Variants in BRD7 observed in about 807,000 individuals in gnomAD.
The protein encoded by BRD7 is bromodomain containing 7.
Under a neutral mutation model 82.1 loss-of-function variants are expected in BRD7, and 15 were observed. That is an observed-to-expected ratio of 0.18 (90% CI 0.12 to 0.28). The LOEUF (loss-of-function observed/expected upper bound fraction) is 0.28. BRD7 is among the 10% of genes least tolerant of loss of function. The pLI, the probability that BRD7 is intolerant of heterozygous loss-of-function variation, is 1.00. For missense variants in BRD7, 638 were observed against 779.9 expected (o/e 0.82, Z 2.17); for synonymous variants, 232 against 266.9 (o/e 0.87, Z 1.27).
intron 2 of BRD7, among the ~76,000 whole-genome samples, chr16:50,365,975 T>C (rs961588991): frequency 1.4e-5 from 2 of 141,946 alleles, no homozygotes; most frequent in Non-Finnish European, 3.0e-5. Context: ...ACACTGAAGA[T>C]AAGGGGGGAA....
intron 9 of BRD7, among the ~76,000 whole-genome samples, chr16:50,327,956 T>C (rs960691389): frequency 6.6e-6 from 1 of 152,218 alleles, no homozygotes; most frequent in Admixed American, 6.5e-5. Context: ...AAAAATTCTG[T>C]CATTATTCAT....
intron 9 of BRD7, among the ~76,000 whole-genome samples, 183 bp from the exon 10 acceptor site, chr16:50,326,574 A>G (rs1177337767): frequency 6.6e-6 from 1 of 152,262 alleles, no homozygotes; most frequent in East Asian, 1.9e-4. Context: ...AACTATAGCC[A>G]GGACCAAAAC....
intron 8 of BRD7, among the ~76,000 whole-genome samples, chr16:50,333,235 A>C (rs573417615): frequency 1.3e-5 from 2 of 152,368 alleles, no homozygotes; most frequent in Admixed American, 1.3e-4. Context: ...CAATTTTAGA[A>C]CATATTATAA....
chr16:50,342,696 C>G (rs1200529942), intron 5 of BRD7, among the ~76,000 whole-genome samples: 1 of 152,028 alleles, frequency 6.6e-6, no homozygotes, highest in African/African-American at 2.4e-5. Context: ...GCTGGGATTA[C>G]AGGTGTAAGC....
chr16:50,321,872 C>T, intron 13 of BRD7, 110 bp downstream of exon 13: 1 of 964,904 alleles, frequency 1.0e-6, no homozygotes, highest in South Asian at 1.4e-5. Flanking sequence ...CACAACTCTA[C>T]TCACTAACCT....
In BRD7 at chr16:50,317,124, G is replaced by T. The variant is rs781324678; in HGVS notation, c.*2087C>A. ...CTGTGTCGTGTGGCTTTATCAGCCC[G>T]AGGAAGGGCAGGTGTATTCTAATTT... On this transcript the variant is annotated 3_prime_UTR_variant, in exon 17 of 17. Coordinates refer to ENST00000394688, the MANE Select transcript of BRD7 (RefSeq NM_013263.5). 1 of 152,814 alleles carries T rather than the reference G, an allele frequency of 6.5e-6. No individual in the cohort carries two copies. 9.5% of individuals were successfully genotyped at this position (152,814 alleles called of 1,614,324 possible). A position where few individuals can be genotyped will look rare whatever the true frequency, so the allele number is the denominator to read the frequency against.
chr16:50,340,312 T>C (rs1171798861), intron 5 of BRD7, among the ~76,000 whole-genome samples: 1 of 152,210 alleles, frequency 6.6e-6, no homozygotes, highest in Non-Finnish European at 1.5e-5. Flanking sequence ...TTCTTAAATA[T>C]TTTATAGTAC....
At chr16:50,327,877 C>T (rs1597033659) in intron 9 of BRD7, among the ~76,000 whole-genome samples, 1 of 152,346 alleles carries the variant, frequency 6.6e-6, no homozygotes, top group East Asian at 1.9e-4. Flanking sequence ...CTCTACTACA[C>T]AGCTAGCTCC....
chr16:50,364,607 G>C (rs368162770), intron 2 of BRD7, among the ~76,000 whole-genome samples: 5 of 152,242 alleles, frequency 3.3e-5, no homozygotes, highest in South Asian at 4.2e-4. Context: ...AAATACAATG[G>C]GACTAATGAT....
In BRD7 at chr16:50,350,015, A is replaced by G; in HGVS notation, c.591+8T>C. On this transcript the variant is annotated splice_region_variant and intron_variant, in intron 5 of 16. Transcript: ENST00000394688. ...CAAGATTTTGTGTATATAGGATTGAAGAGTTACCTTTAGTTCTTCTATGGA... is the reference window on the plus strand; with the variant it reads ...CAAGATTTTGTGTATATAGGATTGAGGAGTTACCTTTAGTTCTTCTATGGA... The G allele has an allele frequency of 6.4e-7, 1 of 1,568,662 alleles. No individual in the cohort carries two copies. The highest frequency in any genetic ancestry group is 1.4e-5 in the African/African-American group (1 of 72,548).
rs760768305 is a variant in BRD7 at position 50,350,028 on chromosome 16, G to A, written c.586C>T (p.Leu196=). The A allele has an allele frequency of 3.8e-6, 6 of 1,577,020 alleles. No homozygotes were observed. In the South Asian group the frequency reaches 6.0e-5, roughly 16 times the overall value. Residue 196 remains leucine, a synonymous_variant, in exon 5 of 17, where the codon CTA becomes TTA. Transcript: ENST00000394688. ...ATATAGGATTGAAGAGTTACCTTTA[G>A]TTCTTCTATGGACTGATAGTCATTG... is the stretch of plus-strand genomic sequence containing the variant. ...KNNDYQSIEE[L]KDNFKLMCTN...
Position 50,355,012 on chromosome 16 carries a change from T to C in BRD7, c.259-90A>G, listed in dbSNP as rs528659389. ...CATTTTAAGGGGTAAAAAGACATCA[T>C]TGTAAAGAAAATATTCTTAATAACA... On this transcript the variant is annotated intron_variant, in intron 2 of 16. Coordinates refer to ENST00000394688, the MANE Select transcript of BRD7 (RefSeq NM_013263.5). 470 of 1,417,358 alleles carry C rather than the reference T, an allele frequency of 3.3e-4. 1 individual carries two copies. Among genetic ancestry groups the C allele is most frequent in the Non-Finnish European group, 3.9e-4 (407 of 1,042,854 alleles). The allele number at this position is 1,417,358 out of a possible 1,614,324, so 87.8% of individuals were successfully genotyped here.
In BRD7 at chr16:50,339,566, G is replaced by A. The variant is rs188810325; in HGVS notation, c.702+410C>T. On this transcript the variant is annotated intron_variant, in intron 6 of 16. Coordinates refer to ENST00000394688, the MANE Select transcript of BRD7 (RefSeq NM_013263.5). ...GTCTGTATATACAGTATTATGCAGC[G>A]CATGACTGTATTTTCTTACTAGAAA... Among the ~76,000 whole-genome samples, 250 of 152,218 alleles carry A rather than the reference G, an allele frequency of 1.6e-3. 2 individuals carry two copies. The highest frequency in any genetic ancestry group is 5.8e-3 in the African/African-American group (239 of 41,530).
chr16:50,329,564 G>A (rs554200699), intron 8 of BRD7, among the ~76,000 whole-genome samples: 3 of 152,286 alleles, frequency 2.0e-5, no homozygotes, highest in Admixed American at 6.5e-5. Context: ...CCACTTCCTC[G>A]TTGAGTGGTA....
chr16:50,362,527 C>T (rs1383357999), intron 2 of BRD7, among the ~76,000 whole-genome samples: 1 of 144,294 alleles, frequency 6.9e-6, no homozygotes, highest in Non-Finnish European at 1.5e-5. Context: ...TTATTCATAA[C>T]AGCCAAAAGG....
intron 5 of BRD7, among the ~76,000 whole-genome samples, chr16:50,346,237 A>G (rs1341536642): frequency 2.0e-5 from 3 of 152,198 alleles, no homozygotes; most frequent in Non-Finnish European, 4.4e-5. Context: ...CAAACACACA[A>G]CATACCAGAA....
In BRD7 at chr16:50,322,058, C is replaced by G; in HGVS notation, c.1444-20G>C. On this transcript the variant is annotated intron_variant, in intron 12 of 16. Transcript: ENST00000394688. ...CAATGACTATAAGGATGAAGAAAAA[C>G]AGCTTTTTAGGAAAACACATGAAGG... The G allele has an allele frequency of 1.3e-6, 2 of 1,581,044 alleles. No homozygotes were observed. Among genetic ancestry groups the G allele is most frequent in the Non-Finnish European group, 1.7e-6 (2 of 1,170,288 alleles).
rs773539261 is a variant in BRD7, at chr16:50,333,630, C to T, written c.955G>A (p.Asp319Asn). ...NNLEREQEQL[D>N]RIVKESGGKL... ...CCTCCAGATTCCTTCACGATGCGGT[C>T]AAGCTGCTCCTGCTCTCTCTCTAAA... Residue 319 changes from aspartate to asparagine, a missense_variant, in exon 8 of 17, where the codon GAC becomes AAC. Around this residue, in one of 3 missense-constraint regions of BRD7, gnomAD observed 402 missense variants for 500.8 expected, o/e 0.80. Coordinates refer to ENST00000394688, the MANE Select transcript of BRD7 (RefSeq NM_013263.5). 8 of 1,611,710 alleles carry T rather than the reference C, an allele frequency of 5.0e-6. No homozygotes were observed. The East Asian group carries it at 1.3e-4, about 27-fold the overall frequency.
Position 50,325,883 on chromosome 16 carries a change from A to G in BRD7, c.1196T>C (p.Val399Ala), listed in dbSNP as rs201951768. The G allele has an allele frequency of 6.3e-6, 10 of 1,584,638 alleles. No homozygotes were observed. Among genetic ancestry groups the G allele is most frequent in the Non-Finnish European group, 7.7e-6 (9 of 1,172,264 alleles). Reference sequence around the variant, plus strand: ...GTAGGGCCCATAATTCAAATATAACACTGTTGAAAAAATCAAATACTGTAA... The same window carrying G: ...GTAGGGCCCATAATTCAAATATAACGCTGTTGAAAAAATCAAATACTGTAA... The part of the protein sequence containing the change: ...KEDKRNKVTP[V>A]LYLNYGPYSS... The change falls in exon 11 of 17, where the codon GTG becomes GCG. Residue 399 changes from valine to alanine, a missense_variant and splice_region_variant. Physicochemically the swap from Val to Ala is moderately conservative, Grantham distance 64. Coordinates refer to ENST00000394688, the MANE Select transcript of BRD7 (RefSeq NM_013263.5).
Sources: allele counts gnomAD v4.1 joint callset (sites outside exome capture counted in the v4.1 genomes callset), GRCh38; gene constraint gnomAD v4.1.1; regional missense constraint gnomAD v4.1.1; transcripts MANE v1.5; gene names NCBI Gene and HGNC (gene_info 2026-07-23, HGNC 2026-07-21).